The following DCLRE1B variants were observed in gnomAD, a reference collection of about 807,000 sequenced individuals.
DCLRE1B encodes DNA cross-link repair 1B, also known as 5' exonuclease Apollo.
DCLRE1B carries 6 observed loss-of-function variants against 19.8 expected under a neutral mutation model. That is an observed-to-expected ratio of 0.30 (90% CI 0.17 to 0.60). The LOEUF is 0.60. DCLRE1B is among the 20% of genes least tolerant of loss of function. The pLI, the probability that DCLRE1B is intolerant of heterozygous loss-of-function variation, is 0.87. For missense variants in DCLRE1B, 622 were observed against 654.2 expected (o/e 0.95, Z 0.54); for synonymous variants, 258 against 255.7 (o/e 1.01, Z -0.09).
At chr1:113,907,236 A>ATTTTTTTTTTTTTTTTTTTT (rs1669067952) in intron 2 of DCLRE1B, 75 bp downstream of exon 2, 1 of 834,798 alleles carries the variant, frequency 1.2e-6, no homozygotes. Flanking sequence ...TTTTTTTTTA[A>ATTTTTTTTTTTTTTTTTTTT]TGTATAGACT....
chr1:113,908,108 C>T lies in DCLRE1B; in HGVS notation c.455C>T (p.Ala152Val). 1.2e-6 allele frequency: 2 copies of T among 1,614,238 alleles called. No individual in the cohort carries two copies. The highest frequency in any genetic ancestry group is 1.3e-5 in the African/African-American group (1 of 75,066). Residue 152 changes from alanine to valine, a missense_variant, in exon 3 of 4, where the codon GCC (alanine) becomes GTC (valine). Coordinates refer to ENST00000650450, the MANE Select transcript of DCLRE1B (RefSeq NM_022836.4). The part of the protein sequence containing the change: ...LYLDNTNCNP[A>V]LVLPSRQEAA... ...CTAGACAACACCAATTGCAATCCAG[C>T]CCTGGTTCTTCCTTCCCGACAAGAA...
intron 2 of DCLRE1B, 56 bp downstream of exon 2, chr1:113,907,217 T>TTG: frequency 8.2e-7 from 1 of 1,212,536 alleles, no homozygotes; most frequent in African/African-American, 1.9e-5. Context: ...TTTTTTTTTT[T>TTG]TTTTTTTTTT....
chr1:113,912,265 A>G lies in DCLRE1B; in HGVS notation c.*74A>G, dbSNP rs1028709640. On this transcript the variant is annotated 3_prime_UTR_variant, in exon 4 of 4. Coordinates refer to ENST00000650450, the MANE Select transcript of DCLRE1B (RefSeq NM_022836.4). ...AAGATAGTAACTGATGGCTGGTGGG[A>G]AAGAGTTTGTTTTTGGGGCCTACTT... 2.1e-6 allele frequency: 3 copies of G among 1,456,060 alleles called. No homozygotes were observed. Among genetic ancestry groups the G allele is most frequent in the African/African-American group, 1.4e-5 (1 of 70,886 alleles). 90.2% of individuals were successfully genotyped at this position (1,456,060 alleles called of 1,614,324 possible). A position where few individuals can be genotyped will look rare whatever the true frequency, so the allele number is the denominator to read the frequency against.
chr1:113,904,825 A>G (rs1668770450), upstream of DCLRE1B: 1 of 997,816 alleles, frequency 1.0e-6, no homozygotes, highest in Non-Finnish European at 1.6e-6. Flanking sequence ...CAGTGAAAAT[A>G]CAAAAGGCGA....
Position 113,912,006 on chromosome 1 carries a change from A to C in DCLRE1B, c.1414A>C (p.Asn472His), listed in dbSNP as rs1571614103. The change falls in exon 4 of 4, where the codon AAT becomes CAT. Residue 472 changes from asparagine to histidine, a missense_variant. This residue lies in a region of DCLRE1B where 382 missense variants were observed against 412.5 expected (regional missense o/e 0.93). Coordinates refer to ENST00000650450, the MANE Select transcript of DCLRE1B (RefSeq NM_022836.4). ...DDDGGPEATG[N>H]QSAWMGHGSP... ...TGATGGAGGTCCAGAAGCCACAGGG[A>C]ATCAGAGTGCCTGGATGGGCCATGG... is the stretch of plus-strand genomic sequence containing the variant. The C allele has an allele frequency of 6.2e-7, 1 of 1,614,186 alleles. No individual in the cohort carries two copies. The highest frequency in any genetic ancestry group is 8.5e-7 in the Non-Finnish European group (1 of 1,180,034).
At position 113,914,084 on chromosome 1, in the gene DCLRE1B, A is replaced by G. The variant is rs1669361733; in HGVS notation, c.*1893A>G. The stretch of plus-strand genomic sequence containing the variant: ...TATATTACAATGAACAACCTTATGC[A>G]TATATTTTGCATTTTTATTTCCTTA... On this transcript the variant is annotated 3_prime_UTR_variant, in exon 4 of 4. Transcript: ENST00000650450. 1 of 152,162 alleles carries G rather than the reference A, an allele frequency of 6.6e-6. No individual in the cohort carries two copies. The highest frequency in any genetic ancestry group is 2.4e-5 in the African/African-American group (1 of 41,432). 9.4% of individuals were successfully genotyped at this position (152,162 alleles called of 1,614,324 possible).
At chr1:113,909,831 G>A (rs1191845585) in intron 3 of DCLRE1B, among the ~76,000 whole-genome samples, 1 of 152,268 alleles carries the variant, frequency 6.6e-6, no homozygotes, top group East Asian at 1.9e-4. Context: ...AAGGACCTGT[G>A]GGGAGGTGGA....
At chr1:113,907,966 C>A in intron 2 of DCLRE1B, 43 bp from the exon 3 acceptor site, 1 of 1,571,916 alleles carries the variant, frequency 6.4e-7, no homozygotes, top group Non-Finnish European at 8.6e-7. Context: ...GTCTTCTATT[C>A]TTTTGTCTCT....
In DCLRE1B at chr1:113,911,400, G is replaced by A. The variant is rs1219654365; in HGVS notation, c.808G>A (p.Val270Ile). ...CCACAGCTCCCACCCTGATATCCAC[G>A]TCATCCCTTACTCTGACCATTCCTC... ...KIHSSHPDIH[V>I]IPYSDHSSYS... is the part of the protein sequence containing the mutation. The change falls in exon 4 of 4, where the codon GTC becomes ATC. Residue 270 changes from valine (V) to isoleucine (I), a missense_variant. By Grantham distance (29) the Val-to-Ile change is conservative (BLOSUM62 3). Coordinates refer to ENST00000650450, the MANE Select transcript of DCLRE1B (RefSeq NM_022836.4). The A allele has an allele frequency of 1.9e-6, 3 of 1,614,102 alleles. No homozygotes were observed. Among genetic ancestry groups the A allele is most frequent in the South Asian group, 1.1e-5 (1 of 91,074 alleles).
At chr1:113,908,402 G>A (rs868810808) in intron 3 of DCLRE1B, among the ~76,000 whole-genome samples, 2 of 152,206 alleles carry the variant, frequency 1.3e-5, no homozygotes, top group South Asian at 2.1e-4. Context: ...GAGCCCAGGC[G>A]TTTGAGACCA....
chr1:113,906,199 GGCGCAC>G (rs1466076299), intron 1 of DCLRE1B, among the ~76,000 whole-genome samples: 1 of 151,726 alleles, frequency 6.6e-6, no homozygotes, highest in Non-Finnish European at 1.5e-5. Flanking sequence ...TGAGATTACA[GGCGCAC>G]GCCACCACGC....
upstream of DCLRE1B, chr1:113,904,861 T>C (rs1326411874): frequency 5.3e-6 from 4 of 753,426 alleles, no homozygotes; most frequent in African/African-American, 3.4e-5. Flanking sequence ...TCGGCTTCCG[T>C]AGGGCCGGCA....
rs1031750154 is a variant in DCLRE1B, at chr1:113,912,938, A to G, written c.*747A>G. The G allele has an allele frequency of 2.6e-5, 4 of 152,720 alleles. No homozygotes were observed. The highest frequency in any genetic ancestry group is 6.5e-5 in the Admixed American group (1 of 15,284). The allele number at this position is 152,720 out of a possible 1,614,324, so 9.5% of individuals were successfully genotyped here. ...GTACCTAGAGCCCAGCTGAACAACA[A>G]GGCTTTGGGTGTGAAGGGACTCCCC... On this transcript the variant is annotated 3_prime_UTR_variant, in exon 4 of 4. Coordinates refer to ENST00000650450, the MANE Select transcript of DCLRE1B (RefSeq NM_022836.4).
At position 113,911,787 on chromosome 1, in the gene DCLRE1B, C is replaced by G. The variant is rs1428154345; in HGVS notation, c.1195C>G (p.Gln399Glu). 2 of 1,614,204 alleles carry G rather than the reference C, an allele frequency of 1.2e-6. No individual in the cohort carries two copies. The highest frequency in any genetic ancestry group is 1.7e-6 in the Non-Finnish European group (2 of 1,180,052). ...CCACCATCCTTTGCGGATCAAGAAG[C>G]AGTTGTTCCCAGATCTCTATAGCAA... is the stretch of plus-strand genomic sequence containing the variant. ...PSHHPLRIKK[Q>E]LFPDLYSKEW... The change falls in exon 4 of 4, where the codon CAG becomes GAG. Residue 399 changes from glutamine to glutamate, a missense_variant. Transcript: ENST00000650450.
Position 113,905,754 on chromosome 1 carries a change from C to A in DCLRE1B, c.168C>A (p.His56Gln). Reference protein sequence around the residue: ...RPLYCSPITAHLLHRHLQVSK... With the variant: ...RPLYCSPITAQLLHRHLQVSK... ...TCTACTGCTCCCCAATTACAGCCCA[C>A]CTCTTGCATCGTCACCTACAGGTAT... The change falls in exon 1 of 4, where the codon CAC (histidine) becomes CAA (glutamine). Residue 56 changes from histidine (H) to glutamine (Q), a missense_variant. Physicochemically the swap from His to Gln is conservative, Grantham distance 24. This residue lies in a region of DCLRE1B where 237 missense variants were observed against 223.8 expected (regional missense o/e 1.06). Transcript: ENST00000650450. The A allele has an allele frequency of 3.7e-6, 6 of 1,613,702 alleles. No individual in the cohort carries two copies. Among genetic ancestry groups the A allele is most frequent in the Non-Finnish European group, 5.1e-6 (6 of 1,179,790 alleles).
intron 2 of DCLRE1B, among the ~76,000 whole-genome samples, chr1:113,907,730 C>G (rs1669091018): frequency 6.6e-6 from 1 of 152,046 alleles, no homozygotes; most frequent in Non-Finnish European, 1.5e-5. Flanking sequence ...TGGCTCGGCC[C>G]CCCAAAGTGC....
At position 113,911,432 on chromosome 1, in the gene DCLRE1B, C is replaced by G. The variant is rs532282272; in HGVS notation, c.840C>G (p.Ser280=). ...VIPYSDHSSY[S]ELRAFVAALK... ...CTTACTCTGACCATTCCTCTTACTC[C>G]GAGCTTCGTGCCTTTGTCGCAGCAC... The change falls in exon 4 of 4, where the codon TCC becomes TCG. Residue 280 remains serine, a synonymous_variant. Coordinates refer to ENST00000650450, the MANE Select transcript of DCLRE1B (RefSeq NM_022836.4). 85 of 1,614,180 alleles carry G rather than the reference C, an allele frequency of 5.3e-5. No individual in the cohort carries two copies. In the South Asian group the frequency reaches 8.9e-4, roughly 17 times the overall value.
chr1:113,904,635 C>G, upstream of DCLRE1B: 2 of 1,613,846 alleles, frequency 1.2e-6, no homozygotes, highest in Non-Finnish European at 1.7e-6. Context: ...ATTCCGGTAG[C>G]GCAGCCTATC....
chr1:113,911,102 C>T (rs755548442), intron 3 of DCLRE1B, 29 bp from the exon 4 acceptor site: 1 of 1,548,038 alleles, frequency 6.5e-7, no homozygotes, highest in East Asian at 2.3e-5. Context: ...CCTTCTCTTA[C>T]TTTCCCCAAT....
Sources: allele counts gnomAD v4.1 joint callset (sites outside exome capture counted in the v4.1 genomes callset), GRCh38; gene constraint gnomAD v4.1.1; regional missense constraint gnomAD v4.1.1; transcripts MANE v1.5; gene names NCBI Gene and HGNC (gene_info 2026-07-23, HGNC 2026-07-21).